Variants in SEC31B observed in about 807,000 individuals in gnomAD.
The protein encoded by SEC31B is protein transport protein Sec31B.
SEC31B carries 113 observed loss-of-function variants against 135.0 expected under a neutral mutation model. That is an observed-to-expected ratio of 0.84 (90% confidence interval 0.72 to 0.98). The LOEUF is 0.98. SEC31B is among the 50% of genes least tolerant of loss of function. SEC31B has a pLI of 0.00. For missense variants in SEC31B, 1,296 were observed against 1,421.1 expected (o/e 0.91, Z 1.42); for synonymous variants, 508 against 549.4 (o/e 0.92, Z 1.05).
chr10:100,507,067 G>C (rs1040196638), intron 7 of SEC31B, among the ~76,000 whole-genome samples: 1 of 152,206 alleles, frequency 6.6e-6, no homozygotes, highest in Admixed American at 6.5e-5. Flanking sequence ...ATAGACAGGA[G>C]TCAAGTTGTT....
rs1236542920 is a variant in SEC31B, at chr10:100,499,082, G to A, written c.1584+78C>T. On this transcript the variant is annotated intron_variant, in intron 13 of 25. Coordinates refer to ENST00000370345, the MANE Select transcript of SEC31B (RefSeq NM_015490.4). ...AAACACTTACAGACAGCAAAGAAAA[G>A]GGCCAGGAAGGGAAAGATGCCCAAA... The A allele has an allele frequency of 8.7e-6, 10 of 1,155,082 alleles. No homozygotes were observed. The South Asian group carries it at 1.1e-4, about 13-fold the overall frequency. 71.6% of individuals were successfully genotyped at this position (1,155,082 alleles called of 1,614,324 possible). A position where few individuals can be genotyped will look rare whatever the true frequency, so the allele number is the denominator to read the frequency against.
chr10:100,501,032 C>T (rs936548600), intron 11 of SEC31B, among the ~76,000 whole-genome samples: 12 of 151,254 alleles, frequency 7.9e-5, no homozygotes, highest in African/African-American at 2.7e-4. Flanking sequence ...CATGGTGAAA[C>T]CCTGTCTCTA....
chr10:100,490,672 C>G (rs1474289783), intron 20 of SEC31B, 34 bp downstream of exon 20: 1 of 1,527,228 alleles, frequency 6.5e-7, no homozygotes, highest in African/African-American at 1.4e-5. Context: ...GACCTCTGTG[C>G]TCTGCCCAGA....
chr10:100,508,023 G>A lies in SEC31B; in HGVS notation c.524C>T (p.Ser175Phe), dbSNP rs751238256. ...AATGTGTTGGGCTTGCCGGTTCCAAGACAGTGCCTTGATGTCCTCTGGAGG... is the reference window on the plus strand; with the variant it reads ...AATGTGTTGGGCTTGCCGGTTCCAAAACAGTGCCTTGATGTCCTCTGGAGG... ...QQPPEDIKALSWNRQAQHILS... is the reference protein window; with the variant it reads ...QQPPEDIKALFWNRQAQHILS... Residue 175 changes from serine to phenylalanine, a missense_variant, in exon 6 of 26, where the codon TCT (serine) becomes TTT (phenylalanine). Coordinates refer to ENST00000370345, the MANE Select transcript of SEC31B (RefSeq NM_015490.4). 6.2e-7 allele frequency: 1 copy of A among 1,614,244 alleles called. No homozygotes were observed.
At chr10:100,496,463 T>A in intron 17 of SEC31B, 32 bp from the exon 18 acceptor site, 1 of 1,610,948 alleles carries the variant, frequency 6.2e-7, no homozygotes, top group Non-Finnish European at 8.5e-7. Context: ...TGGTAAGCCT[T>A]CAATGAGGCA....
intron 9 of SEC31B, 107 bp downstream of exon 9, chr10:100,505,933 C>G (rs1851621296): frequency 1.3e-6 from 2 of 1,560,076 alleles, no homozygotes; most frequent in African/African-American, 1.4e-5. Context: ...AAACCCCGGG[C>G]CCTGGTCTCC....
At chr10:100,493,993 A>G (rs539882680) in intron 19 of SEC31B, among the ~76,000 whole-genome samples, 3 of 144,812 alleles carry the variant, frequency 2.1e-5, no homozygotes, top group South Asian at 2.1e-4. Flanking sequence ...AAAAGGGGAG[A>G]CAAGGGAGGG....
At chr10:100,495,689 G>T in intron 18 of SEC31B, 143 bp from the exon 19 acceptor site, 1 of 989,290 alleles carries the variant, frequency 1.0e-6, no homozygotes, top group Non-Finnish European at 1.5e-6. Flanking sequence ...GTTCTGTTTT[G>T]TTTTGTTTTA....
intron 3 of SEC31B, among the ~76,000 whole-genome samples, chr10:100,515,179 C>A (rs1247924256): frequency 2.0e-5 from 3 of 151,992 alleles, no homozygotes; most frequent in Non-Finnish European, 2.9e-5. Context: ...GCAGTCCCAG[C>A]TACTCAGGGG....
intron 17 of SEC31B, among the ~76,000 whole-genome samples, 187 bp downstream of exon 17, chr10:100,496,948 A>G (rs1220413058): frequency 6.6e-6 from 1 of 152,284 alleles, no homozygotes; most frequent in Non-Finnish European, 1.5e-5. Flanking sequence ...ACACTGAAGC[A>G]GCTGCTGCTT....
rs1851691060 is a variant in SEC31B, at chr10:100,509,173, C to T, written c.400-71G>A. The T allele has an allele frequency of 1.5e-5, 24 of 1,553,846 alleles. No individual in the cohort carries two copies. In the South Asian group the frequency reaches 2.7e-4, roughly 17 times the overall value. On this transcript the variant is annotated intron_variant, in intron 4 of 25. Transcript: ENST00000370345. Reference sequence around the variant, plus strand: ...ACAGAGCAAGAAAGGAGGAAAGAAGCCCAAATTTGGGGCTATCAAAAGCCT... The same window carrying T: ...ACAGAGCAAGAAAGGAGGAAAGAAGTCCAAATTTGGGGCTATCAAAAGCCT...
intron 10 of SEC31B, among the ~76,000 whole-genome samples, chr10:100,502,754 C>T (rs1033915778): frequency 2.6e-5 from 4 of 152,288 alleles, no homozygotes; most frequent in African/African-American, 9.6e-5. Context: ...CCACCATTCT[C>T]CCAGTCACCT....
At position 100,497,585 on chromosome 10, in the gene SEC31B, C is replaced by T. The variant is rs933449037; in HGVS notation, c.1990+82G>A. ...CTCGCCTCCCACAGCTCAGTCTGCT[C>T]CTCCACCTCCCTCCTGCATGCATCC... On this transcript the variant is annotated intron_variant, in intron 16 of 25. Coordinates refer to ENST00000370345, the MANE Select transcript of SEC31B (RefSeq NM_015490.4). 2.5e-6 allele frequency: 4 copies of T among 1,603,620 alleles called. No homozygotes were observed. In the Admixed American group the frequency reaches 5.0e-5, roughly 20 times the overall value.
intron 3 of SEC31B, among the ~76,000 whole-genome samples, chr10:100,510,881 A>G (rs1159827875): frequency 6.6e-6 from 1 of 152,258 alleles, no homozygotes; most frequent in Non-Finnish European, 1.5e-5. Context: ...TTTTCCATAC[A>G]GGCTGAAGAG....
At position 100,489,343 on chromosome 10, in the gene SEC31B, G is replaced by A. The variant is rs754140207; in HGVS notation, c.3080C>T (p.Thr1027Ile). ...APITAPVMSL[T>I]PELQGILPSQ... The stretch of plus-strand genomic sequence containing the variant: ...GGGAAGAATCCCTTGTAGCTCAGGG[G>A]TGAGGCTCATAACTGGAGCAGTAAT... The change falls in exon 23 of 26, where the codon ACC becomes ATC. Residue 1027 changes from threonine to isoleucine, a missense_variant. Physicochemically the swap from Thr to Ile is moderately conservative, Grantham distance 89 (BLOSUM62 -1). Coordinates refer to ENST00000370345, the MANE Select transcript of SEC31B (RefSeq NM_015490.4). 2 of 1,614,024 alleles carry A rather than the reference G, an allele frequency of 1.2e-6. No homozygotes were observed. The highest frequency in any genetic ancestry group is 1.7e-5 in the Admixed American group (1 of 59,990).
At position 100,505,251 on chromosome 10, in the gene SEC31B, G is replaced by A. The variant is rs184219992; in HGVS notation, c.1179+110C>T. ...TCTGAGACAGAGGCAGTGGGAATACGTCTGCTACAAAACTTAGCTCCATGC... is the reference window on the plus strand; with the variant it reads ...TCTGAGACAGAGGCAGTGGGAATACATCTGCTACAAAACTTAGCTCCATGC... On this transcript the variant is annotated intron_variant, in intron 10 of 25. Transcript: ENST00000370345. The A allele has an allele frequency of 6.7e-5, 92 of 1,380,080 alleles. No individual in the cohort carries two copies. In the East Asian group the frequency reaches 1.8e-3, roughly 28 times the overall value. The allele number at this position is 1,380,080 out of a possible 1,614,324, so 85.5% of individuals were successfully genotyped here. A position where few individuals can be genotyped will look rare whatever the true frequency, so the allele number is the denominator to read the frequency against.
At chr10:100,497,967 G>C (rs1337355595) in intron 15 of SEC31B, 62 bp downstream of exon 15, 1 of 1,595,002 alleles carries the variant, frequency 6.3e-7, no homozygotes, top group Non-Finnish European at 8.6e-7. Flanking sequence ...CAAGGTGTGG[G>C]TATCCACCTC....
At chr10:100,507,323 G>T in intron 7 of SEC31B, 102 bp downstream of exon 7, 1 of 1,452,834 alleles carries the variant, frequency 6.9e-7, no homozygotes, top group Non-Finnish European at 9.6e-7. Flanking sequence ...TTTAAAGCCA[G>T]GGAGGATGTT....
chr10:100,519,346 G>T (rs959958572), intron 1 of SEC31B, among the ~76,000 whole-genome samples: 1 of 152,264 alleles, frequency 6.6e-6, no homozygotes, highest in Non-Finnish European at 1.5e-5. Context: ...CGTGCAGGAG[G>T]GCACCAGCTA....
Sources: gnomAD v4.1 joint callset for allele counts (sites outside exome capture counted in the v4.1 genomes callset) on GRCh38, gnomAD v4.1.1 for gene constraint, MANE v1.5 for transcripts, NCBI Gene and HGNC (gene_info 2026-07-23, HGNC 2026-07-21) for gene names.